Variants in NREP observed in about 807,000 individuals in gnomAD.
NREP encodes neuronal regeneration related protein, also known as neuronal regeneration-related protein.
Under a neutral mutation model 8.6 loss-of-function variants are expected in NREP, and 5 were observed. The observed-to-expected ratio is 0.58, with a 90% CI of 0.30 to 1.22. NREP has a LOEUF of 1.22. Ranked by LOEUF, NREP falls within the 50% of genes most tolerant of loss-of-function variation. NREP has a pLI of 0.07. For synonymous variants in NREP, 27 were observed against 28.0 expected (o/e 0.96, Z 0.11); for missense variants, 86 against 82.5 (o/e 1.04, Z -0.17).
chr5:111,885,052 A>G (rs981750330), intron 2 of NREP, among the ~76,000 whole-genome samples: 1 of 152,254 alleles, frequency 6.6e-6, no homozygotes, highest in Non-Finnish European at 1.5e-5. Flanking sequence ...TTTGCAGATG[A>G]CATGATTGTA....
At chr5:111,945,324 C>G in intron 2 of NREP, among the ~76,000 whole-genome samples, 1 of 151,866 alleles carries the variant, frequency 6.6e-6, no homozygotes, top group Non-Finnish European at 1.5e-5. Flanking sequence ...GGTACATGTG[C>G]ACAACGTGCA....
chr5:111,972,630 T>G (rs923726694), intron 2 of NREP, among the ~76,000 whole-genome samples: 1 of 152,202 alleles, frequency 6.6e-6, no homozygotes, highest in South Asian at 2.1e-4. Flanking sequence ...GACTGCAAAC[T>G]GGGGTCACAG....
At position 111,749,614 on chromosome 5, in the gene NREP, G is replaced by A. The variant is rs546841699; in HGVS notation, c.3+6156C>T. ...ACATTTTCAATAAGTATGGTTAATC[G>A]GGAAGAAATGGAAAGAGAAAAGCAG... On this transcript the variant is annotated intron_variant, in intron 2 of 3. Transcript: ENST00000257435. 7.9e-5 allele frequency among the ~76,000 whole-genome samples: 12 copies of A among 152,194 alleles called. 1 individual carries two copies. The highest frequency in any genetic ancestry group is 3.9e-4 in the East Asian group (2 of 5,170).
chr5:111,759,042 A>C (rs1176169388), upstream of NREP, among the ~76,000 whole-genome samples: 1 of 152,200 alleles, frequency 6.6e-6, no homozygotes, highest in Non-Finnish European at 1.5e-5. Flanking sequence ...AAACTCAACA[A>C]ATTCCCTTGA....
chr5:111,753,871 A>G (rs369315216), intron 2 of NREP, among the ~76,000 whole-genome samples: 1 of 151,518 alleles, frequency 6.6e-6, no homozygotes, highest in Admixed American at 6.6e-5. Flanking sequence ...ATACAAAGAC[A>G]CCTCTAATAT....
chr5:111,809,870 C>CGCGTGTGTGT (rs1225782852), intron 2 of NREP, among the ~76,000 whole-genome samples: 6 of 144,114 alleles, frequency 4.2e-5, no homozygotes, highest in African/African-American at 1.6e-4. Context: ...GGGACTTTGG[C>CGCGTGTGTGT]GTGTGTGTGT....
intron 2 of NREP, among the ~76,000 whole-genome samples, chr5:111,964,446 C>A (rs1756569332): frequency 6.6e-6 from 1 of 152,126 alleles, no homozygotes; most frequent in Non-Finnish European, 1.5e-5. Flanking sequence ...GGGCTCACTG[C>A]AACCTCGCCT....
chr5:111,944,429 T>A (rs1755919234), intron 2 of NREP, among the ~76,000 whole-genome samples: 1 of 152,030 alleles, frequency 6.6e-6, no homozygotes, highest in Admixed American at 6.6e-5. Context: ...CACCTAAGAC[T>A]CCCAGGCAGC....
intron 2 of NREP, among the ~76,000 whole-genome samples, chr5:111,906,437 T>C (rs542336986): frequency 1.3e-5 from 2 of 152,240 alleles, no homozygotes; most frequent in East Asian, 3.9e-4. Flanking sequence ...CAAAATACAA[T>C]TTTAAGAATA....
intron 2 of NREP, among the ~76,000 whole-genome samples, chr5:111,825,253 G>C (rs2112928407): frequency 6.6e-6 from 1 of 152,120 alleles, no homozygotes; most frequent in African/African-American, 2.4e-5. Flanking sequence ...TATATTTTCA[G>C]AAAAGGCCTA....
At chr5:111,817,061 C>T (rs540410149) in intron 2 of NREP, among the ~76,000 whole-genome samples, 2 of 152,014 alleles carry the variant, frequency 1.3e-5, no homozygotes, top group Non-Finnish European at 1.5e-5. Context: ...TTTAATTATG[C>T]TATTTAAACT....
intron 2 of NREP, among the ~76,000 whole-genome samples, chr5:111,746,741 A>ATT (rs1338792297): frequency 6.6e-6 from 1 of 152,124 alleles, no homozygotes; most frequent in Non-Finnish European, 1.5e-5. Context: ...TTACAAAAAG[A>ATT]TTTTTTCAAA....
At chr5:111,854,798 C>T (rs564894882) in intron 2 of NREP, among the ~76,000 whole-genome samples, 1 of 152,240 alleles carries the variant, frequency 6.6e-6, no homozygotes, top group African/African-American at 2.4e-5. Context: ...CCCTTCTGCC[C>T]TTTCCCAGAA....
At chr5:111,742,583 A>T (rs1749751248) in intron 2 of NREP, among the ~76,000 whole-genome samples, 1 of 152,098 alleles carries the variant, frequency 6.6e-6, no homozygotes, top group African/African-American at 2.4e-5. Flanking sequence ...GGGGGCAAGA[A>T]ATCAGGTCAG....
intron 2 of NREP, among the ~76,000 whole-genome samples, chr5:111,953,624 A>G (rs545673078): frequency 6.6e-6 from 1 of 152,252 alleles, no homozygotes; most frequent in African/African-American, 2.4e-5. Context: ...CCCTGCCCTC[A>G]AAAACCTCAG....
chr5:111,956,695 G>A (rs1166852780), intron 2 of NREP, among the ~76,000 whole-genome samples: 3 of 152,166 alleles, frequency 2.0e-5, no homozygotes, highest in Non-Finnish European at 2.9e-5. Context: ...TGAGCGTGGT[G>A]GTTCATGCCT....
At chr5:111,904,679 G>A (rs1012049861) in intron 2 of NREP, among the ~76,000 whole-genome samples, 4 of 152,192 alleles carry the variant, frequency 2.6e-5, no homozygotes, top group East Asian at 1.9e-4. Flanking sequence ...ATGGTATAAT[G>A]AGTATTTTGA....
chr5:111,917,720 G>A (rs1755103154), intron 2 of NREP, among the ~76,000 whole-genome samples: 2 of 152,066 alleles, frequency 1.3e-5, no homozygotes, highest in Non-Finnish European at 2.9e-5. Context: ...AAAATAATAA[G>A]AGCTATTTAT....
intron 2 of NREP, among the ~76,000 whole-genome samples, chr5:111,935,328 G>C (rs780829140): frequency 3.9e-5 from 6 of 152,040 alleles, no homozygotes; most frequent in Non-Finnish European, 7.4e-5. Context: ...ACCCCAGCAC[G>C]GCTTGGACTT....
Sources: allele counts gnomAD v4.1 joint callset (sites outside exome capture counted in the v4.1 genomes callset), GRCh38; gene constraint gnomAD v4.1.1; transcripts MANE v1.5; gene names NCBI Gene and HGNC (gene_info 2026-07-23, HGNC 2026-07-21).